RUVBL1: variants seen among roughly 807,000 people sequenced by gnomAD.
The protein encoded by RUVBL1 is ruvB-like 1.
A neutral mutation model predicts 52.4 loss-of-function variants in RUVBL1; 4 were observed. The ratio of observed to expected loss-of-function variants is 0.08; its 90% CI spans 0.04 to 0.17. The LOEUF (loss-of-function observed/expected upper bound fraction) is 0.17. Among genes scored for constraint, RUVBL1 ranks in the 10% least tolerant of loss-of-function variants. The probability of loss-of-function intolerance (pLI) is 1.00; values close to 1 mark genes in which losing one functional copy is unlikely to be tolerated. For synonymous variants in RUVBL1, 217 were observed against 214.4 expected, an observed-to-expected ratio of 1.01 and a Z score of -0.10; for missense variants, 298 against 572.8, an observed-to-expected ratio of 0.52 and a Z score of 4.90.
In RUVBL1 at chr3:128,104,758, C is replaced by T. The variant is rs1215072932; in HGVS notation, c.513+15G>A. On this transcript the variant is annotated intron_variant, in intron 4 of 10. Transcript: ENST00000322623. ...GGGAGAGTCAAGGGAAAAGAGGCCA[C>T]ATACATGTACTCACTTTCAACTGTT... 5 of 1,591,552 alleles carry T rather than the reference C, an allele frequency of 3.1e-6. No individual in the cohort carries two copies. The highest frequency in any genetic ancestry group is 4.3e-6 in the Non-Finnish European group (5 of 1,161,594).
chr3:128,082,401 C>T lies in RUVBL1; in HGVS notation c.1211+82G>A. 9.6e-7 allele frequency: 1 copy of T among 1,044,818 alleles called. No homozygotes were observed. 64.7% of individuals were successfully genotyped at this position (1,044,818 alleles called of 1,614,324 possible). A position where few individuals can be genotyped will look rare whatever the true frequency, so the allele number is the denominator to read the frequency against. On this transcript the variant is annotated intron_variant, in intron 10 of 10. Transcript: ENST00000322623. This position sits in a 1 kb window ranked among gnomAD's most constrained non-coding sequence, Gnocchi z 4.7. The stretch of plus-strand genomic sequence containing the variant: ...AGAGTCCCATGCCCTAGGAAGGGAC[C>T]TGCCTTTATTGTCCAGAATGACCCC...
At chr3:128,091,740 T>G (rs1942846306) in intron 8 of RUVBL1, among the ~76,000 whole-genome samples, 2 of 152,234 alleles carry the variant, frequency 1.3e-5, no homozygotes, top group Admixed American at 1.3e-4. Context: ...AGGGCTGTCC[T>G]ATGCACTCCA....
chr3:128,152,576 T>C (rs1211203374), intron 1 of RUVBL1, among the ~76,000 whole-genome samples: 1 of 152,124 alleles, frequency 6.6e-6, no homozygotes, highest in Non-Finnish European at 1.5e-5. Flanking sequence ...CCCCTGAATG[T>C]AATATTAGCG....
At chr3:128,073,106 A>G (rs13064030) in intron 9 of RUVBL1, among the ~76,000 whole-genome samples, 4,024 of 152,122 alleles carry the variant, frequency 0.026, 84 homozygotes, top group East Asian at 0.078. Context: ...CCAGGACAAA[A>G]AGCCTAAGGC....
intron 3 of RUVBL1, among the ~76,000 whole-genome samples, chr3:128,108,229 T>C (rs753446051): frequency 3.3e-5 from 5 of 152,150 alleles, no homozygotes; most frequent in Non-Finnish European, 5.9e-5. Context: ...CTTCACAGAA[T>C]TCAAAGGCAG....
upstream of RUVBL1, among the ~76,000 whole-genome samples, chr3:128,126,201 TTG>T (rs10576695): frequency 0.53 from 77,724 of 147,224 alleles, 20,639 homozygotes; most frequent in East Asian, 0.78. Context: ...AGTTGTTCCT[TTG>T]TGTGTGTGTG....
chr3:128,143,947 C>T (rs974378774), intron 1 of RUVBL1, among the ~76,000 whole-genome samples: 3 of 152,164 alleles, frequency 2.0e-5, no homozygotes, highest in African/African-American at 7.2e-5. Flanking sequence ...CACTGTGATG[C>T]CCATTTTGCA....
chr3:128,130,613 A>AT (rs1281730697), intron 1 of RUVBL1, among the ~76,000 whole-genome samples: 1 of 125,160 alleles, frequency 8.0e-6, no homozygotes. Flanking sequence ...AAAAAAAAAA[A>AT]ATTTTATTTA....
chr3:128,088,282 A>AC (rs1324444985), intron 8 of RUVBL1, among the ~76,000 whole-genome samples: 2 of 151,254 alleles, frequency 1.3e-5, no homozygotes, highest in African/African-American at 4.9e-5. Flanking sequence ...AAAAAAAAAA[A>AC]CCAACTTATT....
chr3:128,097,602 A>T, intron 7 of RUVBL1, 104 bp from the exon 8 acceptor site: 1 of 991,204 alleles, frequency 1.0e-6, no homozygotes, highest in Non-Finnish European at 1.6e-6. Context: ...CTAGGAGCCT[A>T]GTTTTCCTAC....
intron 9 of RUVBL1, chr3:128,068,195 G>A: frequency 3.0e-6 from 2 of 656,696 alleles, no homozygotes; most frequent in Admixed American, 2.7e-5. Flanking sequence ...AGAATTAAAT[G>A]TTATATATTT....
chr3:128,137,224 A>G (rs988642423), intron 1 of RUVBL1, among the ~76,000 whole-genome samples: 8 of 152,220 alleles, frequency 5.3e-5, no homozygotes, highest in African/African-American at 1.9e-4. Context: ...ATTAAATAAA[A>G]TTGAAATAAA....
In RUVBL1 at chr3:128,081,107, A is replaced by G; in HGVS notation, c.*143T>C. The G allele has an allele frequency of 1.4e-6, 1 of 717,600 alleles. No individual in the cohort carries two copies. Among genetic ancestry groups the G allele is most frequent in the Non-Finnish European group, 2.2e-6 (1 of 450,052 alleles). 44.5% of individuals were successfully genotyped at this position (717,600 alleles called of 1,614,324 possible). On this transcript the variant is annotated 3_prime_UTR_variant, in exon 11 of 11. Transcript: ENST00000322623. The surrounding 1 kb of genome is among the most constrained non-coding windows in gnomAD (Gnocchi z 4.8). ...GAACAGTTACGATAACTTAAAAAGA[A>G]ATGCTTTCCACACTGAACTGACAGC...
chr3:128,150,943 TTA>T lies in RUVBL1; in HGVS notation c.-40+2258_-40+2259del, dbSNP rs1303513429. 6.8e-5 allele frequency among the ~76,000 whole-genome samples: 6 copies of T among 88,154 alleles called. 1 individual carries two copies. The highest frequency in any genetic ancestry group is 6.3e-4 in the South Asian group (2 of 3,180). The allele number at this position is 88,154 out of a possible 152,430, so 57.8% of individuals were successfully genotyped here. A position where few individuals can be genotyped will look rare whatever the true frequency, so the allele number is the denominator to read the frequency against. On this transcript the variant is annotated intron_variant, in intron 1 of 9. Coordinates refer to the RUVBL1 transcript ENST00000464873. ...TTATATATATAATATATTCTATATA[TTA>T]TATATATTATATATTCTATATATTA...
chr3:128,097,635 G>A, intron 7 of RUVBL1, 137 bp from the exon 8 acceptor site: 1 of 722,090 alleles, frequency 1.4e-6, no homozygotes, highest in African/African-American at 1.7e-5. Context: ...CCCAGACAGG[G>A]TGTGTCCCCA....
At chr3:128,152,329 C>T (rs1462621430) in intron 1 of RUVBL1, among the ~76,000 whole-genome samples, 3 of 152,188 alleles carry the variant, frequency 2.0e-5, no homozygotes, top group African/African-American at 7.2e-5. Flanking sequence ...ATTTCTGAGT[C>T]AGAGATAATG....
chr3:128,081,536 C>G lies in RUVBL1; in HGVS notation c.1212-127G>C. On this transcript the variant is annotated intron_variant, in intron 10 of 10. Coordinates refer to ENST00000322623, the MANE Select transcript of RUVBL1 (RefSeq NM_003707.3). This position sits in a 1 kb window ranked among gnomAD's most constrained non-coding sequence, Gnocchi z 4.8. Reference sequence around the variant, plus strand: ...AGTGCTGGGCTTGTGCCAGCTGCTACGAACACAGAAAAGGGGAGACAAAGT... The same window carrying G: ...AGTGCTGGGCTTGTGCCAGCTGCTAGGAACACAGAAAAGGGGAGACAAAGT... The G allele has an allele frequency of 2.1e-6, 2 of 955,852 alleles. No homozygotes were observed. The allele number at this position is 955,852 out of a possible 1,614,324, so 59.2% of individuals were successfully genotyped here.
intron 3 of RUVBL1, among the ~76,000 whole-genome samples, chr3:128,106,303 T>G (rs1229976502): frequency 6.6e-6 from 1 of 152,258 alleles, no homozygotes; most frequent in Non-Finnish European, 1.5e-5. Context: ...AGCTCTTTAA[T>G]AAACGTTTGT....
At chr3:128,072,999 C>T (rs1015770265) in intron 9 of RUVBL1, among the ~76,000 whole-genome samples, 1 of 152,164 alleles carries the variant, frequency 6.6e-6, no homozygotes. Context: ...CTTCACCCCA[C>T]TAGAGGCCCA....
Sources: gnomAD v4.1 joint callset for allele counts (sites outside exome capture counted in the v4.1 genomes callset) on GRCh38, gnomAD v4.1.1 for gene constraint, Gnocchi (gnomAD v3.1) non-coding constraint, MANE v1.5 for transcripts, NCBI Gene and HGNC (gene_info 2026-07-23, HGNC 2026-07-21) for gene names.